PNISR: variants seen among roughly 807,000 people sequenced by gnomAD.
PNISR encodes PNN interacting serine and arginine rich protein, also known as arginine/serine-rich protein PNISR.
PNISR carries 20 observed loss-of-function variants against 93.4 expected under a neutral mutation model. The ratio of observed to expected loss-of-function variants is 0.21; its 90% CI spans 0.15 to 0.31. The LOEUF is 0.31. Among genes scored for constraint, PNISR ranks in the 10% least tolerant of loss-of-function variants. The pLI is 1.00. For missense variants in PNISR, 893 were observed against 985.4 expected (o/e 0.91, Z 1.25); for synonymous variants, 305 against 306.5 (o/e 0.99, Z 0.05).
chr6:99,400,730 C>T lies in PNISR; in HGVS notation c.2228G>A (p.Ser743Asn). The change falls in exon 12 of 12, where the codon AGT becomes AAT. Residue 743 changes from serine to asparagine, a missense_variant. By Grantham distance (46) the Ser-to-Asn change is conservative. This residue lies in a region of PNISR where 866 missense variants were observed against 935.1 expected (regional missense o/e 0.93). Transcript: ENST00000369239. ...RHDSRQDSKK[S>N]TTKDSKKHSG... ...ATGTTTTTTACTATCTTTGGTAGTA[C>T]TTTTCTTACTATCCTGTCTAGAATC... 1 of 1,611,914 alleles carries T rather than the reference C, an allele frequency of 6.2e-7. No individual in the cohort carries two copies. The highest frequency in any genetic ancestry group is 8.5e-7 in the Non-Finnish European group (1 of 1,178,920).
intron 1 of PNISR, among the ~76,000 whole-genome samples, chr6:99,420,009 C>G (rs535731637): frequency 2.0e-5 from 3 of 152,102 alleles, no homozygotes; most frequent in Non-Finnish European, 2.9e-5. Flanking sequence ...CTCAGCCTCC[C>G]GAGTAGCTGG....
rs756473455 is a variant in PNISR at position 99,401,250 on chromosome 6, G to A, written c.1708C>T (p.Arg570Cys). ...RSRSPTIKAR[R>C]SRSRSYSRRI... ...CGAGAATAGCTTCTACTCCTGCTACGTCTAGCTTTGATTGTTGGAGATCTA... is the reference window on the plus strand; with the variant it reads ...CGAGAATAGCTTCTACTCCTGCTACATCTAGCTTTGATTGTTGGAGATCTA... The change falls in exon 12 of 12, where the codon CGT becomes TGT. Residue 570 changes from arginine (R) to cysteine (C), a missense_variant. This residue lies in a region of PNISR where 866 missense variants were observed against 935.1 expected (regional missense o/e 0.93). Transcript: ENST00000369239. The A allele has an allele frequency of 9.3e-6, 15 of 1,612,680 alleles. No individual in the cohort carries two copies. The highest frequency in any genetic ancestry group is 3.3e-5 in the Admixed American group (2 of 59,876).
Position 99,400,128 on chromosome 6 carries a change from A to G in PNISR, c.*412T>C, listed in dbSNP as rs1330176807. The G allele has an allele frequency of 6.3e-6, 1 of 158,550 alleles. No individual in the cohort carries two copies. The highest frequency in any genetic ancestry group is 1.9e-4 in the East Asian group (1 of 5,228). The allele number at this position is 158,550 out of a possible 1,614,324, so 9.8% of individuals were successfully genotyped here. A position where few individuals can be genotyped will look rare whatever the true frequency, so the allele number is the denominator to read the frequency against. On this transcript the variant is annotated 3_prime_UTR_variant, in exon 12 of 12. Transcript: ENST00000369239. The stretch of plus-strand genomic sequence containing the variant: ...GAAATCCTATTAAGTAACTTGGAGC[A>G]GCATTGGAAAAAGTACACCTATTTA...
At chr6:99,413,376 A>C (rs1777218707) in intron 3 of PNISR, among the ~76,000 whole-genome samples, 1 of 150,604 alleles carries the variant, frequency 6.6e-6, no homozygotes, top group South Asian at 2.1e-4. Flanking sequence ...TTTAATTTCT[A>C]AATTTTTACG....
Position 99,401,203 on chromosome 6 carries a change from A to G in PNISR, c.1755T>C (p.Asn585=), listed in dbSNP as rs1345946573. 5.6e-6 allele frequency: 9 copies of G among 1,613,576 alleles called. No homozygotes were observed. The highest frequency in any genetic ancestry group is 7.6e-6 in the Non-Finnish European group (9 of 1,179,932). Residue 585 remains asparagine (N), a synonymous_variant, in exon 12 of 12, where the codon AAT becomes AAC. Coordinates refer to ENST00000369239, the MANE Select transcript of PNISR (RefSeq NM_032870.4). The part of the protein sequence containing the change: ...SYSRRIKIES[N]RARVKIRDRR... ...TATCTCTAATCTTTACCCTAGCCCT[A>G]TTGCTCTCTATTTTAATTCTGCGAG...
At chr6:99,406,857 A>C (rs1776214591) in intron 7 of PNISR, among the ~76,000 whole-genome samples, 1 of 152,134 alleles carries the variant, frequency 6.6e-6, no homozygotes. Context: ...ACTAAGTAAA[A>C]GACAAGATGA....
chr6:99,406,046 C>G lies in PNISR; in HGVS notation c.987G>C (p.Glu329Asp). 1.9e-6 allele frequency: 3 copies of G among 1,608,802 alleles called. No individual in the cohort carries two copies. Among genetic ancestry groups the G allele is most frequent in the Non-Finnish European group, 2.5e-6 (3 of 1,177,106 alleles). Residue 329 changes from glutamate (E) to aspartate (D), a missense_variant, in exon 8 of 12, where the codon GAG (glutamate) becomes GAC (aspartate). Physicochemically the swap from Glu to Asp is conservative, Grantham distance 45. This residue lies in a region of PNISR where 866 missense variants were observed against 935.1 expected (regional missense o/e 0.93). Transcript: ENST00000369239. The part of the protein sequence containing the change: ...EHSDPEMTEE[E>D]KEYQMMLLTK... The stretch of plus-strand genomic sequence containing the variant: ...AACATTCTACCATTTGATACTCTTT[C>G]TCCTCTTCAGTCATCTCAGGGTCAC...
rs376082721 is a variant in PNISR at position 99,423,460 on chromosome 6, CA to C, written c.-112+1754del. On this transcript the variant is annotated intron_variant, in intron 1 of 11. Coordinates refer to ENST00000369239, the MANE Select transcript of PNISR (RefSeq NM_032870.4). ...CAAAGTGACTTCCTTCCAAAGAGAACAGTATAAAAAGGGGTGGGGGAAGTAA... is the reference window on the plus strand; with the variant it reads ...CAAAGTGACTTCCTTCCAAAGAGAACGTATAAAAAGGGGTGGGGGAAGTAA... 2.9e-3 allele frequency among the ~76,000 whole-genome samples: 438 copies of C among 152,138 alleles called. 3 individuals carry two copies. The highest frequency in any genetic ancestry group is 1.0e-2 in the African/African-American group (414 of 41,500).
At chr6:99,425,180 C>G (rs1422375806) in intron 1 of PNISR, 35 bp downstream of exon 1, 1 of 1,213,920 alleles carries the variant, frequency 8.2e-7, no homozygotes, top group Non-Finnish European at 1.0e-6. Flanking sequence ...AATGGTCCGG[C>G]AAGTGCCCAC....
intron 3 of PNISR, among the ~76,000 whole-genome samples, chr6:99,414,338 G>A (rs17180094): frequency 0.059 from 9,025 of 152,252 alleles, 359 homozygotes; most frequent in South Asian, 0.13. Context: ...GACTAAATCA[G>A]TTTAAAAAAT....
chr6:99,415,576 A>G (rs1223570520), intron 2 of PNISR: 1 of 152,184 alleles, frequency 6.6e-6, no homozygotes, highest in Admixed American at 6.5e-5. Flanking sequence ...TACAAGTCTA[A>G]TATCTTTGTA....
chr6:99,406,994 T>C (rs1243326586), intron 7 of PNISR, among the ~76,000 whole-genome samples: 1 of 145,256 alleles, frequency 6.9e-6, no homozygotes, highest in Non-Finnish European at 1.5e-5. Context: ...TTAAAAAAAA[T>C]TTGGAACACC....
intron 7 of PNISR, among the ~76,000 whole-genome samples, chr6:99,407,438 T>G (rs185804396): frequency 2.2e-4 from 34 of 152,250 alleles, no homozygotes; most frequent in South Asian, 6.2e-4. Context: ...TGCATAGATC[T>G]TTTGGGAAAA....
At chr6:99,409,892 A>G (rs1412330104) in intron 5 of PNISR, 2 of 152,970 alleles carry the variant, frequency 1.3e-5, no homozygotes, top group African/African-American at 4.8e-5. Flanking sequence ...TCTACCATGC[A>G]AAAGTAGGGT....
In PNISR at chr6:99,403,826, T is replaced by C. The variant is rs1163648876; in HGVS notation, c.1156+3A>G. On this transcript the variant is annotated splice_donor_region_variant and intron_variant, in intron 10 of 11. Transcript: ENST00000369239. ...CCCTCTCACAAATATGGAAAACACTTACCGAGTCCAGTGAGGGAAGCCAGT... is the reference window on the plus strand; with the variant it reads ...CCCTCTCACAAATATGGAAAACACTCACCGAGTCCAGTGAGGGAAGCCAGT... The C allele has an allele frequency of 6.2e-7, 1 of 1,611,422 alleles. No individual in the cohort carries two copies. The highest frequency in any genetic ancestry group is 8.5e-7 in the Non-Finnish European group (1 of 1,177,792).
chr6:99,420,796 T>G (rs1778451719), intron 1 of PNISR, among the ~76,000 whole-genome samples: 1 of 152,240 alleles, frequency 6.6e-6, no homozygotes, highest in Non-Finnish European at 1.5e-5. Flanking sequence ...TTTCATTTAA[T>G]AAGTTAAAGA....
Position 99,399,646 on chromosome 6 carries a change from G to A in PNISR, c.*894C>T, listed in dbSNP as rs1775231857. 1 of 151,982 alleles carries A rather than the reference G, an allele frequency of 6.6e-6. No homozygotes were observed. 9.4% of individuals were successfully genotyped at this position (151,982 alleles called of 1,614,324 possible). A position where few individuals can be genotyped will look rare whatever the true frequency, so the allele number is the denominator to read the frequency against. Reference sequence around the variant, plus strand: ...TGATTCCAGCAATTTCATTTTACAGGAGTGAACCACACGTTATACACACAG... The same window carrying A: ...TGATTCCAGCAATTTCATTTTACAGAAGTGAACCACACGTTATACACACAG... On this transcript the variant is annotated 3_prime_UTR_variant, in exon 12 of 12. Coordinates refer to ENST00000369239, the MANE Select transcript of PNISR (RefSeq NM_032870.4).
At chr6:99,418,462 A>C (rs189513286) in intron 1 of PNISR, among the ~76,000 whole-genome samples, 3,158 of 151,900 alleles carry the variant, frequency 0.021, 89 homozygotes, top group Admixed American at 0.085. Context: ...AAAAAAAAAA[A>C]AGTTTTCCTA....
chr6:99,404,332 G>C (rs1398311972), intron 9 of PNISR: 3 of 439,632 alleles, frequency 6.8e-6, no homozygotes, highest in Non-Finnish European at 4.1e-6. Flanking sequence ...AAAAAATCAG[G>C]TGAAATAAAC....
Sources: gnomAD v4.1 joint callset for allele counts (sites outside exome capture counted in the v4.1 genomes callset) on GRCh38, gnomAD v4.1.1 for gene constraint, gnomAD v4.1.1 regional missense constraint, MANE v1.5 for transcripts, NCBI Gene and HGNC (gene_info 2026-07-23, HGNC 2026-07-21) for gene names.